Variants in SLIT2 observed in about 807,000 individuals in gnomAD.
SLIT2 encodes slit guidance ligand 2, also known as slit homolog 2 protein.
A neutral mutation model predicts 185.7 loss-of-function variants in SLIT2; 41 were observed. That is an observed-to-expected ratio of 0.22 (90% CI 0.17 to 0.29). SLIT2 has a LOEUF of 0.29. Among genes scored for constraint, SLIT2 ranks in the 10% least tolerant of loss-of-function variants. The probability of loss-of-function intolerance (pLI) is 1.00; values close to 1 mark genes in which losing one functional copy is unlikely to be tolerated. For missense variants in SLIT2, 1,571 were observed against 1,909.0 expected (o/e 0.82, Z 3.30); for synonymous variants, 693 against 680.2 (o/e 1.02, Z -0.29).
At chr4:20,597,526 A>G (rs552081792) in intron 32 of SLIT2, among the ~76,000 whole-genome samples, 1 of 152,354 alleles carries the variant, frequency 6.6e-6, no homozygotes, top group Non-Finnish European at 1.5e-5. Context: ...TAATAAATAT[A>G]GTGTACATGG....
chr4:20,467,537 A>C (rs961146386), intron 4 of SLIT2, among the ~76,000 whole-genome samples: 3 of 152,020 alleles, frequency 2.0e-5, no homozygotes, highest in Non-Finnish European at 4.4e-5. Context: ...ATCTAGAAGC[A>C]TACTTCAAGA....
Position 20,290,921 on chromosome 4 carries a change from A to G in SLIT2, c.395+22040A>G, listed in dbSNP as rs554775588. ...GTCCCTAGCTTAAATTATTATGCCCATTTCCTTCTTTTAGGGCTAAGCTTA... is the reference window on the plus strand; with the variant it reads ...GTCCCTAGCTTAAATTATTATGCCCGTTTCCTTCTTTTAGGGCTAAGCTTA... On this transcript the variant is annotated intron_variant, in intron 4 of 36. Coordinates refer to ENST00000504154, the MANE Select transcript of SLIT2 (RefSeq NM_004787.4). 7.2e-5 allele frequency among the ~76,000 whole-genome samples: 11 copies of G among 151,974 alleles called. No homozygotes were observed. The South Asian group carries it at 2.1e-3, about 29-fold the overall frequency.
intron 4 of SLIT2, among the ~76,000 whole-genome samples, chr4:20,339,141 GA>G (rs1303820102): frequency 7.4e-6 from 1 of 134,756 alleles, no homozygotes; most frequent in Admixed American, 7.4e-5. Flanking sequence ...TAAATATTTA[GA>G]AAAAAATCAC....
chr4:20,433,938 A>AT (rs896851591), intron 4 of SLIT2, among the ~76,000 whole-genome samples: 2 of 152,174 alleles, frequency 1.3e-5, no homozygotes, highest in African/African-American at 4.8e-5. Flanking sequence ...TTTTAGAAAG[A>AT]TTTTTTTAAA....
intron 18 of SLIT2, among the ~76,000 whole-genome samples, chr4:20,534,161 ACTT>A (rs1018786553): frequency 2.0e-5 from 3 of 152,036 alleles, no homozygotes; most frequent in African/African-American, 7.2e-5. Context: ...TCTATACTAT[ACTT>A]CTTCTTGGCC....
chr4:20,256,212 C>T (rs1476640224), intron 1 of SLIT2, among the ~76,000 whole-genome samples: 3 of 151,928 alleles, frequency 2.0e-5, no homozygotes, highest in Admixed American at 6.6e-5. Context: ...TAGGAAGTTT[C>T]GCCACCATGC....
At chr4:20,565,739 A>G (rs777833394) in intron 26 of SLIT2, among the ~76,000 whole-genome samples, 1 of 151,926 alleles carries the variant, frequency 6.6e-6, no homozygotes, top group Non-Finnish European at 1.5e-5. Context: ...AGAAGTAAGC[A>G]CCACCTCTTT....
intron 34 of SLIT2, chr4:20,615,027 CT>C (rs1179912710): frequency 6.6e-6 from 1 of 152,114 alleles, no homozygotes; most frequent in East Asian, 1.9e-4. Flanking sequence ...CTTTGCCAAT[CT>C]GTATTTATTC....
chr4:20,542,717 T>C (rs1028198400), intron 21 of SLIT2, 91 bp downstream of exon 21: 1 of 1,331,958 alleles, frequency 7.5e-7, no homozygotes, highest in African/African-American at 1.5e-5. Context: ...CTTTACAATC[T>C]TCTTTACAAA....
chr4:20,277,880 T>G (rs1449749927), intron 4 of SLIT2, among the ~76,000 whole-genome samples: 3 of 151,742 alleles, frequency 2.0e-5, no homozygotes, highest in Non-Finnish European at 4.4e-5. Flanking sequence ...ATGCTTTTAT[T>G]TACTCTTGCT....
At chr4:20,348,657 A>G (rs1454502326) in intron 4 of SLIT2, among the ~76,000 whole-genome samples, 1 of 152,152 alleles carries the variant, frequency 6.6e-6, no homozygotes, top group East Asian at 1.9e-4. Context: ...AGGGGAGAAT[A>G]AGGTAGTGGC....
rs775452039 is a variant in SLIT2, at chr4:20,252,697, C to T, written c.-1119C>T. ...ATCTGGGAGACGAGCGGGGTTGACACGCGCGCACACACTACTGCCATTCAG... is the reference window on the plus strand; with the variant it reads ...ATCTGGGAGACGAGCGGGGTTGACATGCGCGCACACACTACTGCCATTCAG... On this transcript the variant is annotated 5_prime_UTR_variant, in exon 1 of 37. The change creates a new upstream start codon in the 5' untranslated region. Transcript: ENST00000504154. 6.6e-6 allele frequency among the ~76,000 whole-genome samples: 1 copy of T among 152,204 alleles called. No homozygotes were observed. Among genetic ancestry groups the T allele is most frequent in the Admixed American group, 6.5e-5 (1 of 15,284 alleles).
Position 20,447,534 on chromosome 4 carries a change from G to A in SLIT2, c.396-20218G>A, listed in dbSNP as rs573427091. ...TTAACGTCTTTTTTTGATACAAGGA[G>A]AAAAAGATGAAGTTAAAAAGTAAGA... On this transcript the variant is annotated intron_variant, in intron 4 of 36. Coordinates refer to ENST00000504154, the MANE Select transcript of SLIT2 (RefSeq NM_004787.4). 1.1e-4 allele frequency among the ~76,000 whole-genome samples: 17 copies of A among 152,282 alleles called. No homozygotes were observed. In the East Asian group the frequency reaches 2.7e-3, roughly 24 times the overall value.
chr4:20,447,237 CT>C (rs1324848467), intron 4 of SLIT2, among the ~76,000 whole-genome samples: 3 of 152,166 alleles, frequency 2.0e-5, no homozygotes, highest in African/African-American at 7.2e-5. Flanking sequence ...ACTTTCAAGC[CT>C]AACAGTTTTC....
At chr4:20,483,879 A>C (rs946986606) in intron 6 of SLIT2, among the ~76,000 whole-genome samples, 1 of 152,114 alleles carries the variant, frequency 6.6e-6, no homozygotes, top group Non-Finnish European at 1.5e-5. Flanking sequence ...ACCATAACAT[A>C]CACAAGTAAT....
At chr4:20,505,291 C>A (rs1480308604) in intron 9 of SLIT2, among the ~76,000 whole-genome samples, 1 of 151,974 alleles carries the variant, frequency 6.6e-6, no homozygotes, top group East Asian at 1.9e-4. Flanking sequence ...AGCTGCAGAT[C>A]CAGAATTTAG....
chr4:20,511,184 G>C (rs187091762), intron 11 of SLIT2, 47 bp downstream of exon 11: 1 of 1,120,728 alleles, frequency 8.9e-7, no homozygotes, highest in Non-Finnish European at 1.3e-6. Context: ...CCACAACAAA[G>C]AGTGGCTACC....
intron 18 of SLIT2, among the ~76,000 whole-genome samples, chr4:20,535,264 A>G (rs1334057335): frequency 6.6e-6 from 1 of 152,022 alleles, no homozygotes; most frequent in East Asian, 1.9e-4. Context: ...GCTCCACTAC[A>G]CTCCAGCCTG....
chr4:20,417,518 G>T (rs974480281), intron 4 of SLIT2, among the ~76,000 whole-genome samples: 4 of 148,560 alleles, frequency 2.7e-5, no homozygotes, highest in African/African-American at 9.9e-5. Flanking sequence ...AGATATGTGT[G>T]TGTGTATATA....
Sources: gnomAD v4.1 joint callset for allele counts (sites outside exome capture counted in the v4.1 genomes callset) on GRCh38, gnomAD v4.1.1 for gene constraint, MANE v1.5 for transcripts, NCBI Gene and HGNC (gene_info 2026-07-23, HGNC 2026-07-21) for gene names.